Variants in AGPS observed in about 807,000 individuals in gnomAD.
AGPS encodes alkylglycerone phosphate synthase.
In AGPS, 26 loss-of-function variants were observed where a neutral mutation model predicts 90.7. The ratio of observed to expected loss-of-function variants is 0.29; its 90% confidence interval spans 0.21 to 0.40. The LOEUF (loss-of-function observed/expected upper bound fraction) is 0.40, where lower values mean the gene tolerates loss of function less well. AGPS is among the 10% of genes least tolerant of loss of function. The pLI is 1.00. For synonymous variants in AGPS, 294 were observed against 285.3 expected, an observed-to-expected ratio of 1.03 and a Z score of -0.31; for missense variants, 540 against 816.1, an observed-to-expected ratio of 0.66 and a Z score of 4.12.
intron 5 of AGPS, among the ~76,000 whole-genome samples, chr2:177,437,827 G>A (rs1298561838): frequency 6.6e-6 from 1 of 152,042 alleles, no homozygotes; most frequent in Non-Finnish European, 1.5e-5. Context: ...TACTTTGGAG[G>A]GACTGAGAGA....
Position 177,519,988 on chromosome 2 carries a change from G to A in AGPS, c.1698-1281G>A, listed in dbSNP as rs560444635. ...ATGCCTCCCCTTTTTAGACCATATA[G>A]GGTAACTTCCTGATGTTGCCTTGGC... On this transcript the variant is annotated intron_variant, in intron 17 of 19. Coordinates refer to ENST00000264167, the MANE Select transcript of AGPS (RefSeq NM_003659.4). Among the ~76,000 whole-genome samples the A allele has an allele frequency of 2.6e-5, 4 of 152,312 alleles. No homozygotes were observed. In the South Asian group the frequency reaches 8.3e-4, roughly 32 times the overall value.
chr2:177,459,984 C>A (rs1687242644), intron 8 of AGPS, among the ~76,000 whole-genome samples: 1 of 152,126 alleles, frequency 6.6e-6, no homozygotes. Context: ...ACTATGCAGC[C>A]ATAAAAAAGG....
intron 1 of AGPS, among the ~76,000 whole-genome samples, chr2:177,401,667 C>T (rs1284690388): frequency 6.6e-6 from 1 of 152,142 alleles, no homozygotes; most frequent in African/African-American, 2.4e-5. Flanking sequence ...GCTTCAGCCT[C>T]TCATGTAGCT....
intron 1 of AGPS, among the ~76,000 whole-genome samples, chr2:177,394,595 G>A (rs150459558): frequency 5.6e-4 from 85 of 152,298 alleles, no homozygotes; most frequent in African/African-American, 1.9e-3. Flanking sequence ...CACACTGGGA[G>A]CAAATTGAAG....
In AGPS at chr2:177,422,141, G is replaced by A. The variant is rs527857329; in HGVS notation, c.350+1783G>A. Among the ~76,000 whole-genome samples the A allele has an allele frequency of 3.9e-5, 6 of 152,180 alleles. No homozygotes were observed. In the East Asian group the frequency reaches 1.2e-3, roughly 29 times the overall value. Reference sequence around the variant, plus strand: ...TTGTCAGTTTCCTGGAAGAGATGAGGCTGTAGGGGTCTGACACACATGCCA... The same window carrying A: ...TTGTCAGTTTCCTGGAAGAGATGAGACTGTAGGGGTCTGACACACATGCCA... On this transcript the variant is annotated intron_variant, in intron 2 of 19. Transcript: ENST00000264167.
intron 13 of AGPS, among the ~76,000 whole-genome samples, chr2:177,498,382 G>A (rs1688469192): frequency 6.6e-6 from 1 of 151,266 alleles, no homozygotes; most frequent in Non-Finnish European, 1.5e-5. Flanking sequence ...GTACTTTGAT[G>A]TATCTTTTTT....
At chr2:177,393,238 G>A in intron 1 of AGPS, 189 bp downstream of exon 1, 2 of 985,402 alleles carry the variant, frequency 2.0e-6, no homozygotes, top group Non-Finnish European at 2.4e-6. Flanking sequence ...GAAGGGGGCG[G>A]GATGGGATGG....
intron 14 of AGPS, among the ~76,000 whole-genome samples, chr2:177,504,164 G>A (rs562796821): frequency 6.6e-6 from 1 of 152,212 alleles, no homozygotes; most frequent in Admixed American, 6.5e-5. Context: ...CAGGATGGAT[G>A]AACTGTTTCT....
At chr2:177,450,763 C>T (rs939603405) in intron 8 of AGPS, among the ~76,000 whole-genome samples, 2 of 151,406 alleles carry the variant, frequency 1.3e-5, no homozygotes, top group African/African-American at 4.9e-5. Flanking sequence ...ATGGAAATGT[C>T]AGTTTCTGTT....
intron 1 of AGPS, among the ~76,000 whole-genome samples, chr2:177,397,878 A>G (rs888448814): frequency 6.6e-6 from 1 of 152,110 alleles, no homozygotes; most frequent in Non-Finnish European, 1.5e-5. Context: ...AAATACAAAG[A>G]AAGTTAGCCT....
intron 9 of AGPS, among the ~76,000 whole-genome samples, chr2:177,464,566 G>A (rs773306044): frequency 6.6e-6 from 1 of 152,176 alleles, no homozygotes; most frequent in Non-Finnish European, 1.5e-5. Context: ...TGTACAATGG[G>A]ATATACTTTT....
intron 2 of AGPS, among the ~76,000 whole-genome samples, chr2:177,421,024 G>T (rs1249231847): frequency 6.6e-6 from 1 of 151,934 alleles, no homozygotes; most frequent in Non-Finnish European, 1.5e-5. Context: ...CAGTAAAACT[G>T]GAAAAATATT....
At chr2:177,445,866 G>A (rs1414327249) in intron 8 of AGPS, among the ~76,000 whole-genome samples, 1 of 152,114 alleles carries the variant, frequency 6.6e-6, no homozygotes, top group Non-Finnish European at 1.5e-5. Flanking sequence ...GCTTAGATTA[G>A]GACAGAAAGT....
chr2:177,405,009 G>GGGTGCCGC (rs1474874342), intron 1 of AGPS, among the ~76,000 whole-genome samples: 1 of 152,148 alleles, frequency 6.6e-6, no homozygotes, highest in East Asian at 1.9e-4. Context: ...AAGAGTACAG[G>GGGTGCCGC]GGTGCCAAAG....
intron 8 of AGPS, among the ~76,000 whole-genome samples, chr2:177,461,571 T>C (rs951818210): frequency 6.6e-6 from 1 of 151,966 alleles, no homozygotes; most frequent in African/African-American, 2.4e-5. Context: ...TATCTCTTTG[T>C]AGAAAAAAAA....
At chr2:177,472,896 G>A (rs1015306172) in intron 10 of AGPS, among the ~76,000 whole-genome samples, 7 of 152,186 alleles carry the variant, frequency 4.6e-5, no homozygotes, top group African/African-American at 1.7e-4. Context: ...AGCCATTTCT[G>A]GTTCCTTCCA....
chr2:177,475,257 A>G (rs1687746888), intron 10 of AGPS, among the ~76,000 whole-genome samples: 1 of 152,246 alleles, frequency 6.6e-6, no homozygotes, highest in Admixed American at 6.5e-5. Context: ...TATTGTCAGT[A>G]TAGTGGAAGG....
At chr2:177,484,624 T>C (rs1334293664) in intron 11 of AGPS, among the ~76,000 whole-genome samples, 1 of 151,960 alleles carries the variant, frequency 6.6e-6, no homozygotes, top group African/African-American at 2.4e-5. Flanking sequence ...GGGATTACAG[T>C]CGTGAGCCAC....
intron 8 of AGPS, among the ~76,000 whole-genome samples, chr2:177,454,258 C>T (rs1687046686): frequency 6.6e-6 from 1 of 151,972 alleles, no homozygotes; most frequent in African/African-American, 2.4e-5. Flanking sequence ...CTACTCTTCT[C>T]ATTTTTTTCT....
Sources: allele counts gnomAD v4.1 joint callset (sites outside exome capture counted in the v4.1 genomes callset), GRCh38; gene constraint gnomAD v4.1.1; transcripts MANE v1.5; gene names NCBI Gene and HGNC (gene_info 2026-07-23, HGNC 2026-07-21).